ATG4B: variants seen among roughly 807,000 people sequenced by gnomAD.
The protein encoded by ATG4B is cysteine protease ATG4B.
ATG4B carries 29 observed loss-of-function variants against 56.6 expected under a neutral mutation model. That is an observed-to-expected ratio of 0.51 (90% CI 0.38 to 0.70). The LOEUF (loss-of-function observed/expected upper bound fraction) is 0.70. Ranked by LOEUF, ATG4B falls within the 30% of genes least tolerant of loss-of-function variation. ATG4B has a pLI of 0.00. For missense variants in ATG4B, 461 were observed against 515.5 expected (o/e 0.89, Z 1.02); for synonymous variants, 224 against 206.1 (o/e 1.09, Z -0.74).
At chr2:241,645,570 G>C (rs1254180599) in intron 1 of ATG4B, among the ~76,000 whole-genome samples, 1 of 152,150 alleles carries the variant, frequency 6.6e-6, no homozygotes, top group East Asian at 1.9e-4. Flanking sequence ...ACCTTGACTT[G>C]TCCGTTTCAC....
intron 8 of ATG4B, among the ~76,000 whole-genome samples, chr2:241,667,607 TAAAA>T (rs772264425): frequency 4.9e-4 from 57 of 115,482 alleles, no homozygotes; most frequent in African/African-American, 1.8e-3. Flanking sequence ...CCATCTCAAA[TAAAA>T]AAAAAAAAAA....
At chr2:241,666,347 C>G (rs1222557085) in intron 7 of ATG4B, among the ~76,000 whole-genome samples, 1 of 152,212 alleles carries the variant, frequency 6.6e-6, no homozygotes, top group Non-Finnish European at 1.5e-5. Context: ...GTGGGTACTT[C>G]TGTGATTTTC....
At chr2:241,640,013 C>G (rs1559244725) in intron 1 of ATG4B, among the ~76,000 whole-genome samples, 4 of 152,158 alleles carry the variant, frequency 2.6e-5, no homozygotes. Flanking sequence ...TAGGATTTGT[C>G]TGCCTCCTGC....
In ATG4B at chr2:241,672,676, A is replaced by G. The variant is rs2069021369; in HGVS notation, c.*412A>G. 2 of 237,218 alleles carry G rather than the reference A, an allele frequency of 8.4e-6. No individual in the cohort carries two copies. The highest frequency in any genetic ancestry group is 4.5e-5 in the African/African-American group (2 of 44,464). 14.7% of individuals were successfully genotyped at this position (237,218 alleles called of 1,614,324 possible). A position where few individuals can be genotyped will look rare whatever the true frequency, so the allele number is the denominator to read the frequency against. ...GCGCTCCCTGAGTCAGAGTCTCAGAAGACCTGTGCAGGCTGGCGTGAGAGG... is the reference window on the plus strand; with the variant it reads ...GCGCTCCCTGAGTCAGAGTCTCAGAGGACCTGTGCAGGCTGGCGTGAGAGG... On this transcript the variant is annotated 3_prime_UTR_variant, in exon 13 of 13. Coordinates refer to ENST00000404914, the MANE Select transcript of ATG4B (RefSeq NM_013325.5).
chr2:241,653,990 GAAA>G (rs34757883), intron 4 of ATG4B, among the ~76,000 whole-genome samples: 26 of 72,908 alleles, frequency 3.6e-4, no homozygotes, highest in Admixed American at 8.2e-4. Context: ...GACCCTATCT[GAAA>G]AAAAAAAAAA....
rs138186182 is a variant in ATG4B, at chr2:241,653,703, G to A, written c.283+93G>A. ...CAGGGCTCTTTAGAGCAGACCACAGGTAAAACAGTAAGTAGAACTTGGGGG... is the reference window on the plus strand; with the variant it reads ...CAGGGCTCTTTAGAGCAGACCACAGATAAAACAGTAAGTAGAACTTGGGGG... On this transcript the variant is annotated intron_variant, in intron 4 of 12. Transcript: ENST00000404914. 448 of 1,062,162 alleles carry A rather than the reference G, an allele frequency of 4.2e-4. No individual in the cohort carries two copies. The East Asian group carries it at 4.6e-3, about 11-fold the overall frequency. 65.8% of individuals were successfully genotyped at this position (1,062,162 alleles called of 1,614,324 possible).
rs992208193 is a variant in ATG4B, at chr2:241,670,484, G to A, written c.958-242G>A. 2.2e-5 allele frequency: 13 copies of A among 588,930 alleles called. No homozygotes were observed. In the South Asian group the frequency reaches 2.4e-4, roughly 11 times the overall value. 36.5% of individuals were successfully genotyped at this position (588,930 alleles called of 1,614,324 possible). On this transcript the variant is annotated intron_variant, in intron 10 of 12. Transcript: ENST00000404914. ...GATGCACACCACGTAACATCTCGTG[G>A]GCGAATCAAGGCACAGCAACGCAGT...
At chr2:241,662,238 A>G (rs1422386315) in intron 7 of ATG4B, among the ~76,000 whole-genome samples, 1 of 152,204 alleles carries the variant, frequency 6.6e-6, no homozygotes, top group Non-Finnish European at 1.5e-5. Flanking sequence ...GTAAAGGGAA[A>G]CTTCTCTAAA....
intron 1 of ATG4B, 124 bp downstream of exon 1, chr2:241,637,848 G>A (rs1443691572): frequency 7.6e-6 from 9 of 1,181,304 alleles, no homozygotes; most frequent in Non-Finnish European, 9.8e-6. Context: ...GGCTGGGCCG[G>A]GGCGGCGGGC....
chr2:241,654,324 A>G (rs1359778297), intron 4 of ATG4B, among the ~76,000 whole-genome samples: 2 of 151,528 alleles, frequency 1.3e-5, no homozygotes, highest in Non-Finnish European at 2.9e-5. Flanking sequence ...GGGAGGCTGA[A>G]GCAGGAGAAT....
At chr2:241,661,934 A>G (rs982439285) in intron 7 of ATG4B, among the ~76,000 whole-genome samples, 9 of 152,196 alleles carry the variant, frequency 5.9e-5, no homozygotes, top group Non-Finnish European at 4.4e-5. Context: ...AGTGAGGACA[A>G]ATGACTCCAA....
intron 1 of ATG4B, among the ~76,000 whole-genome samples, chr2:241,639,302 A>G (rs1192338333): frequency 1.3e-5 from 2 of 152,220 alleles, no homozygotes; most frequent in Non-Finnish European, 2.9e-5. Context: ...GCGCCCAAGC[A>G]GGGGTGCTTA....
intron 6 of ATG4B, among the ~76,000 whole-genome samples, chr2:241,658,417 C>T (rs1289021054): frequency 6.6e-6 from 1 of 152,180 alleles, no homozygotes; most frequent in African/African-American, 2.4e-5. Flanking sequence ...CACCCCCACC[C>T]AGCTCCCCTC....
At chr2:241,660,521 G>T (rs1011939293) in intron 7 of ATG4B, among the ~76,000 whole-genome samples, 2 of 152,186 alleles carry the variant, frequency 1.3e-5, no homozygotes, top group Non-Finnish European at 2.9e-5. Context: ...TAACCAAAGG[G>T]TGTTTGTTTC....
In ATG4B at chr2:241,668,018, C is replaced by G. The variant is rs1437311065; in HGVS notation, c.733-125C>G. On this transcript the variant is annotated intron_variant, in intron 8 of 12. Coordinates refer to ENST00000404914, the MANE Select transcript of ATG4B (RefSeq NM_013325.5). The surrounding 1 kb of genome is among the most constrained non-coding windows in gnomAD (Gnocchi z 4.2). ...ACAGTAAGCTCTTTGGTACCATGTC[C>G]CCTCCTGTCCCCTCTTGTGTCACCC... The G allele has an allele frequency of 1.2e-6, 1 of 830,802 alleles. No homozygotes were observed. The highest frequency in any genetic ancestry group is 1.7e-5 in the African/African-American group (1 of 58,176). The allele number at this position is 830,802 out of a possible 1,614,324, so 51.5% of individuals were successfully genotyped here.
At chr2:241,663,811 A>ATT (rs544195724) in intron 7 of ATG4B, among the ~76,000 whole-genome samples, 3,332 of 140,188 alleles carry the variant, frequency 0.024, 197 homozygotes, top group East Asian at 0.19. Flanking sequence ...CCAGACGTCT[A>ATT]TTTTTTTTTT....
At chr2:241,639,565 C>G (rs1268456122) in intron 1 of ATG4B, among the ~76,000 whole-genome samples, 2 of 152,176 alleles carry the variant, frequency 1.3e-5, no homozygotes, top group East Asian at 3.9e-4. Flanking sequence ...AAGAATGAGA[C>G]TACACTTAAC....
Position 241,668,887 on chromosome 2 carries a change from G to T in ATG4B, c.957+202G>T. 2.8e-6 allele frequency: 2 copies of T among 715,904 alleles called. No homozygotes were observed. 44.3% of individuals were successfully genotyped at this position (715,904 alleles called of 1,614,324 possible). On this transcript the variant is annotated intron_variant, in intron 10 of 12. Transcript: ENST00000404914. The surrounding 1 kb of genome is among the most constrained non-coding windows in gnomAD (Gnocchi z 4.2). ...GTCCCTCCCCCAGGCACCACCTCCT[G>T]TGCAGCCTTCATGGCCTTCGAGTGG... is the stretch of plus-strand genomic sequence containing the variant.
At chr2:241,654,059 C>A (rs1479675608) in intron 4 of ATG4B, among the ~76,000 whole-genome samples, 1 of 149,280 alleles carries the variant, frequency 6.7e-6, no homozygotes, top group Non-Finnish European at 1.5e-5. Flanking sequence ...AAACTGTTTT[C>A]TGTACAGATT....
Sources: allele counts gnomAD v4.1 joint callset (sites outside exome capture counted in the v4.1 genomes callset), GRCh38; gene constraint gnomAD v4.1.1; non-coding constraint Gnocchi (gnomAD v3.1); transcripts MANE v1.5; gene names NCBI Gene and HGNC (gene_info 2026-07-23, HGNC 2026-07-21).